Variants in NLRP9 observed in about 807,000 individuals in gnomAD.
NLRP9 encodes NACHT, LRR and PYD domains-containing protein 9.
Under a neutral mutation model 83.1 loss-of-function variants are expected in NLRP9, and 88 were observed. The ratio of observed to expected loss-of-function variants is 1.06; its 90% CI spans 0.89 to 1.26. The LOEUF is 1.26. Among genes scored for constraint, NLRP9 ranks in the 50% most tolerant of loss-of-function variants. The probability of loss-of-function intolerance (pLI) is 0.00; values close to 1 mark genes in which losing one functional copy is unlikely to be tolerated. For synonymous variants in NLRP9, 521 were observed against 447.6 expected, an observed-to-expected ratio of 1.16 and a Z score of -2.07; for missense variants, 1,308 against 1,179.3, an observed-to-expected ratio of 1.11 and a Z score of -1.60.
At chr19:55,721,831 G>A (rs113867599) in intron 4 of NLRP9, among the ~76,000 whole-genome samples, 1 of 152,166 alleles carries the variant, frequency 6.6e-6, no homozygotes, top group Non-Finnish European at 1.5e-5. Flanking sequence ...GAGTTTCCCT[G>A]CACAAGCTCT....
At position 55,733,411 on chromosome 19, in the gene NLRP9, A is replaced by G; in HGVS notation, c.420T>C (p.Thr140=). Residue 140 remains threonine, a synonymous_variant, in exon 2 of 9, where the codon ACT becomes ACC. Transcript: ENST00000332836. ...CCACAGTGTGTCGTCTAGCCGCAGC[A>G]GTATATGCGTCATTCAATTCTTTAT... is the stretch of plus-strand genomic sequence containing the variant. ...NEYKELNDAY[T]AAARRHTVVL... is the part of the protein sequence containing the mutation. 3 of 1,614,170 alleles carry G rather than the reference A, an allele frequency of 1.9e-6. No homozygotes were observed. The highest frequency in any genetic ancestry group is 8.5e-7 in the Non-Finnish European group (1 of 1,179,992).
intron 8 of NLRP9, chr19:55,709,554 GT>G (rs1987619345): frequency 6.6e-6 from 1 of 152,220 alleles, no homozygotes; most frequent in Non-Finnish European, 1.5e-5. Context: ...GTTCTTGTCT[GT>G]TTTCGCTATT....
intron 4 of NLRP9, among the ~76,000 whole-genome samples, chr19:55,720,666 C>T (rs139103857): frequency 7.9e-5 from 12 of 152,140 alleles, no homozygotes; most frequent in East Asian, 7.7e-4. Flanking sequence ...CAGCTGAACA[C>T]GAAAAGACAC....
intron 3 of NLRP9, among the ~76,000 whole-genome samples, chr19:55,725,911 A>G (rs1988386939): frequency 6.6e-6 from 1 of 152,014 alleles, no homozygotes; most frequent in African/African-American, 2.4e-5. Flanking sequence ...CTGTAGTCCC[A>G]GCTACTGGGG....
At chr19:55,728,002 C>T (rs1412764431) in intron 3 of NLRP9, among the ~76,000 whole-genome samples, 1 of 152,178 alleles carries the variant, frequency 6.6e-6, no homozygotes, top group African/African-American at 2.4e-5. Flanking sequence ...CAAGAGTCCT[C>T]TCCCCGTGGG....
chr19:55,715,004 G>GT, intron 6 of NLRP9, 51 bp downstream of exon 6: 1 of 1,517,484 alleles, frequency 6.6e-7, no homozygotes, highest in Non-Finnish European at 9.0e-7. Context: ...TAGAGCCACA[G>GT]TATCCAAAAA....
intron 1 of NLRP9, among the ~76,000 whole-genome samples, chr19:55,735,215 C>T (rs1202654584): frequency 6.6e-6 from 1 of 152,202 alleles, no homozygotes; most frequent in African/African-American, 2.4e-5. Context: ...CCCTTTAACA[C>T]CGTCGCACAG....
chr19:55,730,973 TC>T (rs1988553432), intron 2 of NLRP9, among the ~76,000 whole-genome samples: 2 of 152,206 alleles, frequency 1.3e-5, no homozygotes, highest in Admixed American at 6.5e-5. Context: ...TTGATTGGAA[TC>T]AAACTCTGGT....
At chr19:55,719,950 AGCATG>A (rs1988172067) in intron 4 of NLRP9, among the ~76,000 whole-genome samples, 1 of 152,240 alleles carries the variant, frequency 6.6e-6, no homozygotes, top group South Asian at 2.1e-4. Flanking sequence ...ATTTAGAAAA[AGCATG>A]GCAGCCTGAA....
At position 55,708,994 on chromosome 19, in the gene NLRP9, A is replaced by G; in HGVS notation, c.2894T>C (p.Val965Ala). Residue 965 changes from valine to alanine, a missense_variant, in exon 9 of 9, where the codon GTG (valine) becomes GCG (alanine). Physicochemically the swap from Val to Ala is moderately conservative, Grantham distance 64. Coordinates refer to ENST00000332836, the MANE Select transcript of NLRP9 (RefSeq NM_176820.4). Reference protein sequence around the residue: ...DEETQKILMSVEEKIPHLTIS... With the variant: ...DEETQKILMSAEEKIPHLTIS... ...GGTCAGATGGGGAATTTTTTCTTCC[A>G]CAGACATCAGGATCTTCTGAGTTTC... The G allele has an allele frequency of 6.3e-7, 1 of 1,595,282 alleles. No individual in the cohort carries two copies. The highest frequency in any genetic ancestry group is 8.5e-7 in the Non-Finnish European group (1 of 1,172,974).
At chr19:55,734,831 C>T (rs899573683) in intron 1 of NLRP9, among the ~76,000 whole-genome samples, 3 of 152,016 alleles carry the variant, frequency 2.0e-5, no homozygotes, top group African/African-American at 7.2e-5. Context: ...TACAGGGTCT[C>T]ACCATGTTGG....
At chr19:55,738,058 T>G in intron 1 of NLRP9, 37 bp downstream of exon 1, 1 of 1,602,430 alleles carries the variant, frequency 6.2e-7, no homozygotes, top group Admixed American at 1.7e-5. Context: ...TTCCCAGGCT[T>G]CCCCCATGGG....
chr19:55,708,647 G>T lies in NLRP9; in HGVS notation c.*265C>A. Reference sequence around the variant, plus strand: ...AAAGCCATGCTTTCCAGAGCGTTTAGCACTTGTTTAACGTACTTGTGCTTC... The same window carrying T: ...AAAGCCATGCTTTCCAGAGCGTTTATCACTTGTTTAACGTACTTGTGCTTC... On this transcript the variant is annotated 3_prime_UTR_variant, in exon 9 of 9. Coordinates refer to ENST00000332836, the MANE Select transcript of NLRP9 (RefSeq NM_176820.4). The T allele has an allele frequency of 3.3e-6, 1 of 298,846 alleles. No homozygotes were observed. The allele number at this position is 298,846 out of a possible 1,614,324, so 18.5% of individuals were successfully genotyped here. A position where few individuals can be genotyped will look rare whatever the true frequency, so the allele number is the denominator to read the frequency against.
chr19:55,728,921 T>C (rs1988479232), intron 3 of NLRP9, among the ~76,000 whole-genome samples: 1 of 152,086 alleles, frequency 6.6e-6, no homozygotes, highest in Non-Finnish European at 1.5e-5. Flanking sequence ...GTTTCTATCC[T>C]CTCATACATT....
intron 4 of NLRP9, among the ~76,000 whole-genome samples, chr19:55,717,190 C>T (rs1157946379): frequency 2.0e-5 from 3 of 152,060 alleles, no homozygotes; most frequent in East Asian, 1.9e-4. Context: ...CCCGCCATCA[C>T]GCCCAGTTCA....
intron 3 of NLRP9, among the ~76,000 whole-genome samples, chr19:55,729,607 T>G (rs963817996): frequency 3.3e-5 from 5 of 152,228 alleles, no homozygotes; most frequent in African/African-American, 4.8e-5. Context: ...GGTGTATATG[T>G]GCCACATTTT....
chr19:55,724,171 A>G (rs10423927), intron 3 of NLRP9, 27 bp from the exon 4 acceptor site: 153,064 of 1,537,124 alleles, frequency 0.1, 9,027 homozygotes, highest in African/African-American at 0.27. Context: ...AAAAAATAGC[A>G]TCATGCAATG....
At chr19:55,724,215 G>A (rs979333793) in intron 3 of NLRP9, 71 bp from the exon 4 acceptor site, 25 of 1,046,702 alleles carry the variant, frequency 2.4e-5, no homozygotes, top group African/African-American at 1.8e-4. Flanking sequence ...CCTCTTGTAC[G>A]ATTCTTCCTG....
At chr19:55,711,390 C>A in intron 8 of NLRP9, 1 of 1,253,252 alleles carries the variant, frequency 8.0e-7, no homozygotes, top group African/African-American at 1.5e-5. Context: ...TGCCATTTGG[C>A]GAATGTATTT....
Sources: gnomAD v4.1 joint callset for allele counts (sites outside exome capture counted in the v4.1 genomes callset) on GRCh38, gnomAD v4.1.1 for gene constraint, MANE v1.5 for transcripts, NCBI Gene and HGNC (gene_info 2026-07-23, HGNC 2026-07-21) for gene names.